TWNK: variants seen among roughly 807,000 people sequenced by gnomAD.
TWNK encodes the protein twinkle mtDNA helicase, also known as T7 gp4-like protein with intramitochondrial nucleoid localization.
TWNK carries 36 observed loss-of-function variants against 58.2 expected under a neutral mutation model. That is an observed-to-expected ratio of 0.62 (90% CI 0.47 to 0.82). TWNK has a LOEUF of 0.82. TWNK is among the 40% of genes least tolerant of loss of function. The probability of loss-of-function intolerance (pLI) is 0.00; values close to 1 mark genes in which losing one functional copy is unlikely to be tolerated. For synonymous variants in TWNK, 349 were observed against 348.5 expected (o/e 1.00, Z -0.02); for missense variants, 714 against 881.0 (o/e 0.81, Z 2.40).
In TWNK at chr10:100,993,499, C is replaced by CCA; in HGVS notation, c.2044_2045insCA (p.Arg682ProfsTer19). On this transcript the variant is annotated frameshift_variant, in exon 5 of 5. Transcript: ENST00000311916. LOFTEE classifies it high-confidence loss of function. ...TCCCGACCAGCCAGACACCTCCAAGCGTTCAAAGTGAAGGCCGTGCAGAGC... is the reference window on the plus strand; with the variant it reads ...TCCCGACCAGCCAGACACCTCCAAGCCAGTTCAAAGTGAAGGCCGTGCAGAGC... The CCA allele has an allele frequency of 6.2e-7, 1 of 1,614,140 alleles. No homozygotes were observed. The highest frequency in any genetic ancestry group is 8.5e-7 in the Non-Finnish European group (1 of 1,180,026).
intron 4 of TWNK, 132 bp downstream of exon 4, chr10:100,991,142 T>G: frequency 7.6e-7 from 1 of 1,322,986 alleles, no homozygotes; most frequent in Non-Finnish European, 1.0e-6. Context: ...TCTGGGGCCA[T>G]GACATGAGGA....
chr10:100,992,750 A>G lies in TWNK; in HGVS notation c.1735-440A>G, dbSNP rs140415120. ...GTCAGTAGTTCAAAGAGCTTTGGTC[A>G]TGGGGGGAAGTACTTTTCCCTCTCC... On this transcript the variant is annotated intron_variant, in intron 4 of 4. Coordinates refer to ENST00000311916, the MANE Select transcript of TWNK (RefSeq NM_021830.5). Among the ~76,000 whole-genome samples, 80 of 151,684 alleles carry G rather than the reference A, an allele frequency of 5.3e-4. No homozygotes were observed. The East Asian group carries it at 0.013, about 25-fold the overall frequency.
In TWNK at chr10:100,988,882, T is replaced by C. The variant is rs368863664; in HGVS notation, c.672T>C (p.Ala224=). Reference sequence around the variant, plus strand: ...TACGAGGCCTGAAGCTCCTAGAGGCTAAATGCCAGGGGGATGGAGTGAGCT... The same window carrying C: ...TACGAGGCCTGAAGCTCCTAGAGGCCAAATGCCAGGGGGATGGAGTGAGCT... ...SGLRGLKLLE[A]KCQGDGVSYE... The change falls in exon 1 of 5, where the codon GCT becomes GCC. Residue 224 remains alanine, a synonymous_variant. Transcript: ENST00000311916. The surrounding 1 kb of genome is among the most constrained non-coding windows in gnomAD (Gnocchi z 5.2). The C allele has an allele frequency of 9.7e-5, 157 of 1,614,052 alleles. No individual in the cohort carries two copies. The highest frequency in any genetic ancestry group is 1.3e-4 in the Non-Finnish European group (151 of 1,180,030).
Position 100,988,227 on chromosome 10 carries a change from G to T in TWNK, c.17G>T (p.Arg6Leu). ...TGGCTAGGAATGTGGGTCCTCCTCCGAAGTGGGTACCCCCTCCGTATCTTG... is the reference window on the plus strand; with the variant it reads ...TGGCTAGGAATGTGGGTCCTCCTCCTAAGTGGGTACCCCCTCCGTATCTTG... MWVLL[R>L]SGYPLRILLP... The change falls in exon 1 of 5, where the codon CGA (arginine) becomes CTA (leucine). Residue 6 changes from arginine (R) to leucine (L), a missense_variant. Physicochemically the swap from Arg to Leu is moderately radical, Grantham distance 102. Transcript: ENST00000311916. The surrounding 1 kb of genome is among the most constrained non-coding windows in gnomAD (Gnocchi z 5.2). 4 of 1,614,144 alleles carry T rather than the reference G, an allele frequency of 2.5e-6. No individual in the cohort carries two copies. Among genetic ancestry groups the T allele is most frequent in the Non-Finnish European group, 3.4e-6 (4 of 1,180,032 alleles).
rs1191762310 is a variant in TWNK at position 100,993,362 on chromosome 10, C to T, written c.1907C>T (p.Ala636Val). 1.2e-6 allele frequency: 2 copies of T among 1,614,216 alleles called. No homozygotes were observed. The highest frequency in any genetic ancestry group is 8.5e-7 in the Non-Finnish European group (1 of 1,180,044). The change falls in exon 5 of 5, where the codon GCC becomes GTC. Residue 636 changes from alanine to valine, a missense_variant. This residue lies in a region of TWNK where 302 missense variants were observed against 438.6 expected (regional missense o/e 0.69). Transcript: ENST00000311916. Reference protein sequence around the residue: ...LTFSIPPKNKARLKKIKDDTG... With the variant: ...LTFSIPPKNKVRLKKIKDDTG... ...TTCTCCATTCCACCAAAGAACAAGG[C>T]CCGGCTCAAGAAGATCAAGGATGAC... is the stretch of plus-strand genomic sequence containing the variant.
chr10:100,993,427 G>A lies in TWNK; in HGVS notation c.1972G>A (p.Gly658Arg), dbSNP rs868535097. 5.0e-6 allele frequency: 8 copies of A among 1,614,204 alleles called. No individual in the cohort carries two copies. In the African/African-American group the frequency reaches 1.1e-4, roughly 22 times the overall value. ...VAKKPSSGKK[G>R]ATTQNSEICS... is the part of the protein sequence containing the mutation. ...CAAAAAGCCCTCTTCTGGCAAAAAGGGGGCTACGACACAGAACTCTGAGAT... is the reference window on the plus strand; with the variant it reads ...CAAAAAGCCCTCTTCTGGCAAAAAGAGGGCTACGACACAGAACTCTGAGAT... Residue 658 changes from glycine to arginine, a missense_variant, in exon 5 of 5, where the codon GGG (glycine) becomes AGG (arginine). Physicochemically the swap from Gly to Arg is moderately radical, Grantham distance 125. Around this residue, in one of 3 missense-constraint regions of TWNK, gnomAD observed 64 missense variants for 54.0 expected, o/e 1.19. Coordinates refer to ENST00000311916, the MANE Select transcript of TWNK (RefSeq NM_021830.5).
chr10:100,993,688 A>G lies in TWNK; in HGVS notation c.*178A>G. The stretch of plus-strand genomic sequence containing the variant: ...CAATGTAGCAGACTACTGAGAAACT[A>G]CTGTGTTGCTCAGGCTTTGTTTGAG... On this transcript the variant is annotated 3_prime_UTR_variant, in exon 5 of 5. Coordinates refer to ENST00000311916, the MANE Select transcript of TWNK (RefSeq NM_021830.5). 1 of 689,670 alleles carries G rather than the reference A, an allele frequency of 1.4e-6. No homozygotes were observed. The highest frequency in any genetic ancestry group is 2.5e-6 in the Non-Finnish European group (1 of 403,298). 42.7% of individuals were successfully genotyped at this position (689,670 alleles called of 1,614,324 possible).
Position 100,993,626 on chromosome 10 carries a change from G to A in TWNK, c.*116G>A. 2 of 1,176,798 alleles carry A rather than the reference G, an allele frequency of 1.7e-6. No homozygotes were observed. The highest frequency in any genetic ancestry group is 2.6e-5 in the South Asian group (2 of 76,216). The allele number at this position is 1,176,798 out of a possible 1,614,324, so 72.9% of individuals were successfully genotyped here. A position where few individuals can be genotyped will look rare whatever the true frequency, so the allele number is the denominator to read the frequency against. On this transcript the variant is annotated 3_prime_UTR_variant, in exon 5 of 5. Transcript: ENST00000311916. The stretch of plus-strand genomic sequence containing the variant: ...GCTGTGTGCCCTTCTCAGTCTGAGG[G>A]GCCTAACCTAGAGCAGGTTTCCATA...
rs1450258498 is a variant in TWNK at position 100,988,749 on chromosome 10, T to G, written c.539T>G (p.Phe180Cys). The G allele has an allele frequency of 1.9e-6, 3 of 1,614,176 alleles. No individual in the cohort carries two copies. Among genetic ancestry groups the G allele is most frequent in the South Asian group, 2.2e-5 (2 of 91,088 alleles). The part of the protein sequence containing the change: ...QEEVQLADTM[F>C]GLTKVTDDTL... Reference sequence around the variant, plus strand: ...GAGGTTCAGCTGGCTGATACAATGTTTGGCCTTACCAAGGTTACAGATGAC... The same window carrying G: ...GAGGTTCAGCTGGCTGATACAATGTGTGGCCTTACCAAGGTTACAGATGAC... Residue 180 changes from phenylalanine (F) to cysteine (C), a missense_variant, in exon 1 of 5, where the codon TTT becomes TGT. Physicochemically the swap from Phe to Cys is radical, Grantham distance 205. Transcript: ENST00000311916. The surrounding 1 kb of genome is among the most constrained non-coding windows in gnomAD (Gnocchi z 5.2).
chr10:100,990,938 A>G lies in TWNK; in HGVS notation c.1662A>G (p.Thr554=), dbSNP rs777627485. 2.5e-6 allele frequency: 4 copies of G among 1,614,148 alleles called. No individual in the cohort carries two copies. The highest frequency in any genetic ancestry group is 3.4e-6 in the Non-Finnish European group (4 of 1,180,058). Residue 554 remains threonine (T), a synonymous_variant, in exon 4 of 5, where the codon ACA becomes ACG. Transcript: ENST00000311916. Reference sequence around the variant, plus strand: ...CAACAGACAATAACTGCCATGTGACACTGGTCATTCACCCCCGGAAAGAGG... The same window carrying G: ...CAACAGACAATAACTGCCATGTGACGCTGGTCATTCACCCCCGGAAAGAGG... ...KFATDNNCHV[T]LVIHPRKEDD...
chr10:100,993,129 C>A, intron 4 of TWNK, 61 bp from the exon 5 acceptor site: 1 of 1,564,824 alleles, frequency 6.4e-7, no homozygotes, highest in Non-Finnish European at 8.8e-7. Flanking sequence ...GTCAGCCCCC[C>A]TTTCTGCTTT....
At position 100,994,200 on chromosome 10, in the gene TWNK, G is replaced by C. The variant is rs1266736433; in HGVS notation, c.*690G>C. ...GGCATGTACTAGAATTGGATCCTAG[G>C]TGCTTAGCCCTGCAATATCAGGGCC... On this transcript the variant is annotated 3_prime_UTR_variant, in exon 5 of 5. Coordinates refer to ENST00000311916, the MANE Select transcript of TWNK (RefSeq NM_021830.5). 1 of 153,024 alleles carries C rather than the reference G, an allele frequency of 6.5e-6. No individual in the cohort carries two copies. The highest frequency in any genetic ancestry group is 1.5e-5 in the Non-Finnish European group (1 of 68,708). 9.5% of individuals were successfully genotyped at this position (153,024 alleles called of 1,614,324 possible).
intron 2 of TWNK, among the ~76,000 whole-genome samples, chr10:100,990,155 A>T (rs560284345): frequency 1.4e-5 from 2 of 140,606 alleles, no homozygotes; most frequent in East Asian, 3.9e-4. Context: ...AAAAATTTTT[A>T]AAAATTAGGC....
In TWNK at chr10:100,988,976, C is replaced by T; in HGVS notation, c.766C>T (p.Arg256Ter). The T allele has an allele frequency of 6.2e-7, 1 of 1,614,154 alleles. No homozygotes were observed. Among genetic ancestry groups the T allele is most frequent in the Non-Finnish European group, 8.5e-7 (1 of 1,180,034 alleles). The change falls in exon 1 of 5, where the codon CGA becomes TGA. Residue 256 changes from arginine to a stop codon, truncating the protein, a stop_gained. Coordinates refer to ENST00000311916, the MANE Select transcript of TWNK (RefSeq NM_021830.5). LOFTEE classifies it high-confidence loss of function. This position sits in a 1 kb window ranked among gnomAD's most constrained non-coding sequence, Gnocchi z 5.2. ...NLFGLPLISR[R>*]DAEVVLTSRE... ...GTTTGGATTACCACTGATTAGTCGT[C>T]GAGATGCTGAGGTGGTACTGACGAG...
rs1590016411 is a variant in TWNK at position 100,987,922 on chromosome 10, T to C, written c.-289T>C. On this transcript the variant is annotated 5_prime_UTR_variant, in exon 1 of 5. Coordinates refer to ENST00000311916, the MANE Select transcript of TWNK (RefSeq NM_021830.5). The stretch of plus-strand genomic sequence containing the variant: ...AAGAAACTGTGTCAGTGAGGAACTG[T>C]ATAGAGGGTCATAGAGGTGAGGTGG... 1.6e-6 allele frequency: 1 copy of C among 613,840 alleles called. No individual in the cohort carries two copies. Among genetic ancestry groups the C allele is most frequent in the East Asian group, 2.7e-5 (1 of 36,652 alleles). The allele number at this position is 613,840 out of a possible 1,614,324, so 38.0% of individuals were successfully genotyped here.
intron 4 of TWNK, among the ~76,000 whole-genome samples, chr10:100,992,313 A>G (rs1279304746): frequency 7.1e-6 from 1 of 140,938 alleles, no homozygotes; most frequent in African/African-American, 2.6e-5. Flanking sequence ...TCCCAGGTTC[A>G]AGTGATTCTC....
chr10:100,992,278 A>G (rs1851802105), intron 4 of TWNK, among the ~76,000 whole-genome samples: 1 of 121,610 alleles, frequency 8.2e-6, no homozygotes, highest in Non-Finnish European at 1.6e-5. Context: ...CAGTGGCGCG[A>G]TCTCGGCTCA....
Position 100,993,454 on chromosome 10 carries a change from T to G in TWNK, c.1999T>G (p.Cys667Gly), listed in dbSNP as rs1013913162. The G allele has an allele frequency of 6.8e-6, 11 of 1,614,088 alleles. No individual in the cohort carries two copies. The African/African-American group carries it at 1.3e-4, about 20-fold the overall frequency. The part of the protein sequence containing the change: ...KGATTQNSEI[C>G]SGQAPTPDQP... ...GGCTACGACACAGAACTCTGAGATT[T>G]GCTCAGGCCAGGCCCCCACTCCCGA... Residue 667 changes from cysteine to glycine, a missense_variant, in exon 5 of 5, where the codon TGC becomes GGC. Cys to Gly is a radical substitution (Grantham distance 159). Coordinates refer to ENST00000311916, the MANE Select transcript of TWNK (RefSeq NM_021830.5).
rs1339977334 is a variant in TWNK at position 100,988,496 on chromosome 10, G to A, written c.286G>A (p.Val96Ile). Residue 96 changes from valine (V) to isoleucine (I), a missense_variant, in exon 1 of 5, where the codon GTT becomes ATT. Val to Ile is a conservative substitution (Grantham distance 29, BLOSUM62 3). Coordinates refer to ENST00000311916, the MANE Select transcript of TWNK (RefSeq NM_021830.5). This position sits in a 1 kb window ranked among gnomAD's most constrained non-coding sequence, Gnocchi z 5.2. ...ESSQLKGQTGVTTSFSLFIDK... is the reference protein window; with the variant it reads ...ESSQLKGQTGITTSFSLFIDK... ...TTCACAGCTCAAAGGCCAGACTGGT[G>A]TTACCACTTCCTTCAGCCTCTTCAT... The A allele has an allele frequency of 5.6e-6, 9 of 1,614,118 alleles. No homozygotes were observed. The highest frequency in any genetic ancestry group is 2.2e-5 in the East Asian group (1 of 44,894).
Sources: allele counts gnomAD v4.1 joint callset (sites outside exome capture counted in the v4.1 genomes callset), GRCh38; gene constraint gnomAD v4.1.1; regional missense constraint gnomAD v4.1.1; non-coding constraint Gnocchi (gnomAD v3.1); transcripts MANE v1.5; gene names NCBI Gene and HGNC (gene_info 2026-07-23, HGNC 2026-07-21).